RIMS2: variants seen among roughly 807,000 people sequenced by gnomAD.
The protein encoded by RIMS2 is regulating synaptic membrane exocytosis protein 2.
A neutral mutation model predicts 174.4 loss-of-function variants in RIMS2; 59 were observed. The observed-to-expected ratio is 0.34, with a 90% CI of 0.27 to 0.42. RIMS2 has a LOEUF of 0.42. Among genes scored for constraint, RIMS2 ranks in the 10% least tolerant of loss-of-function variants. The probability of loss-of-function intolerance (pLI) is 1.00; values close to 1 mark genes in which losing one functional copy is unlikely to be tolerated. For missense variants in RIMS2, 1,620 were observed against 1,666.3 expected, an observed-to-expected ratio of 0.97 and a Z score of 0.48; for synonymous variants, 606 against 572.5, an observed-to-expected ratio of 1.06 and a Z score of -0.84.
At chr8:103,634,163 T>C (rs1365603550) in intron 1 of RIMS2, among the ~76,000 whole-genome samples, 2 of 152,216 alleles carry the variant, frequency 1.3e-5, no homozygotes, top group Non-Finnish European at 2.9e-5. Context: ...TTTAGTGCTG[T>C]GAATTTCCCT....
intron 19 of RIMS2, among the ~76,000 whole-genome samples, chr8:104,085,562 G>A (rs143340821): frequency 7.4e-4 from 112 of 152,282 alleles, no homozygotes; most frequent in African/African-American, 2.3e-3. Flanking sequence ...GGAATATTGC[G>A]TAGGCATTCA....
At chr8:103,754,538 G>T (rs983423128) in intron 2 of RIMS2, among the ~76,000 whole-genome samples, 3 of 152,030 alleles carry the variant, frequency 2.0e-5, no homozygotes, top group African/African-American at 7.2e-5. Flanking sequence ...GTGTTAAAGT[G>T]TCCCATTATT....
intron 1 of RIMS2, among the ~76,000 whole-genome samples, chr8:103,570,143 G>T (rs2092700786): frequency 6.6e-6 from 1 of 152,008 alleles, no homozygotes; most frequent in South Asian, 2.1e-4. Flanking sequence ...CCTTCTTTGT[G>T]TTGCCCTAAA....
At chr8:103,638,539 A>G (rs1455031266) in intron 1 of RIMS2, among the ~76,000 whole-genome samples, 4 of 152,002 alleles carry the variant, frequency 2.6e-5, no homozygotes, top group East Asian at 3.9e-4. Context: ...TATAATCCAT[A>G]TGGGGTTTTT....
At chr8:103,967,167 C>CTTTTTTTTTTTTTTTTTTTTTTTTTTTTT (rs1257712942) in intron 15 of RIMS2, among the ~76,000 whole-genome samples, 1 of 35,072 alleles carries the variant, frequency 2.9e-5, no homozygotes, top group African/African-American at 1.5e-4. Flanking sequence ...TTGATCTGTT[C>CTTTTTTTTTTTTTTTTTTTTTTTTTTTTT]TTGTTTTTTT....
At chr8:103,647,910 T>TTTA (rs2096373779) in intron 1 of RIMS2, among the ~76,000 whole-genome samples, 2 of 150,046 alleles carry the variant, frequency 1.3e-5, no homozygotes, top group Admixed American at 6.6e-5. Context: ...TTTTTTTTTT[T>TTTA]AATTTTTGTA....
intron 3 of RIMS2, among the ~76,000 whole-genome samples, chr8:103,814,105 G>A (rs916938187): frequency 6.6e-6 from 1 of 152,138 alleles, no homozygotes; most frequent in Admixed American, 6.5e-5. Context: ...CAGGGACATG[G>A]ATGGAGCTAG....
chr8:103,746,795 C>G (rs959807709), intron 2 of RIMS2, among the ~76,000 whole-genome samples: 6 of 152,074 alleles, frequency 3.9e-5, no homozygotes, highest in African/African-American at 1.2e-4. Context: ...ATTCTCCTGC[C>G]TCAGCCTCCT....
At chr8:103,880,990 A>G (rs1411703972) in intron 3 of RIMS2, among the ~76,000 whole-genome samples, 2 of 151,530 alleles carry the variant, frequency 1.3e-5, no homozygotes, top group Non-Finnish European at 3.0e-5. Flanking sequence ...TCCATGCTTT[A>G]TAAAGATTTT....
chr8:103,812,338 T>TTTTTG (rs1430057827), intron 3 of RIMS2, among the ~76,000 whole-genome samples: 3 of 146,514 alleles, frequency 2.0e-5, no homozygotes, highest in East Asian at 4.3e-4. Context: ...CTTGTTTTTT[T>TTTTTG]TTTTTTTTTT....
At chr8:103,652,570 C>G (rs2096471474) in intron 1 of RIMS2, 54 bp from the exon 3 acceptor site, 1 of 957,744 alleles carries the variant, frequency 1.0e-6, no homozygotes, top group East Asian at 5.4e-5. Context: ...AAAACGTTAA[C>G]CTACATTGTT....
At chr8:104,093,169 T>C (rs2097692512) in intron 19 of RIMS2, among the ~76,000 whole-genome samples, 1 of 152,062 alleles carries the variant, frequency 6.6e-6, no homozygotes, top group Non-Finnish European at 1.5e-5. Context: ...AAGCCAAATG[T>C]TTATTTCCCA....
At chr8:104,060,179 G>A (rs1425845565) in intron 19 of RIMS2, among the ~76,000 whole-genome samples, 2 of 151,328 alleles carry the variant, frequency 1.3e-5, no homozygotes, top group South Asian at 2.1e-4. Context: ...GGTAGAATTC[G>A]GCTGTGAATC....
At position 103,513,866 on chromosome 8, in the gene RIMS2, T is replaced by C. The variant is rs545458470; in HGVS notation, c.176+12804T>C. Among the ~76,000 whole-genome samples the C allele has an allele frequency of 5.9e-5, 9 of 152,336 alleles. No individual in the cohort carries two copies. The South Asian group carries it at 1.0e-3, about 18-fold the overall frequency. On this transcript the variant is annotated intron_variant, in intron 1 of 23. Coordinates refer to ENST00000504942, the Ensembl canonical transcript of RIMS2. Reference sequence around the variant, plus strand: ...ATTTTGCTACTTGTAGGATTTTACATAGATCAATATTGGGGTCTTTATTGA... The same window carrying C: ...ATTTTGCTACTTGTAGGATTTTACACAGATCAATATTGGGGTCTTTATTGA...
intron 19 of RIMS2, among the ~76,000 whole-genome samples, chr8:104,158,799 T>C (rs2098742002): frequency 6.6e-6 from 1 of 152,062 alleles, no homozygotes; most frequent in African/African-American, 2.4e-5. Context: ...ATATTAACCC[T>C]TTTTCAGATG....
At chr8:104,116,020 A>G (rs377668939) in intron 19 of RIMS2, among the ~76,000 whole-genome samples, 163 of 152,334 alleles carry the variant, frequency 1.1e-3, no homozygotes, top group South Asian at 7.5e-3. Flanking sequence ...AAAATTGCTG[A>G]ACAATCAAAA....
chr8:103,918,701 T>C, intron 9 of RIMS2: 1 of 516,840 alleles, frequency 1.9e-6, no homozygotes, highest in Non-Finnish European at 3.5e-6. Flanking sequence ...ACATGTCTTA[T>C]TACAGATTTT....
intron 3 of RIMS2, among the ~76,000 whole-genome samples, chr8:103,797,202 GTAT>G (rs2098555860): frequency 6.6e-6 from 1 of 152,088 alleles, no homozygotes; most frequent in Non-Finnish European, 1.5e-5. Context: ...CCTAACTCAA[GTAT>G]TCCTAGTTAC....
At chr8:103,517,570 T>C (rs1224124679) in intron 1 of RIMS2, among the ~76,000 whole-genome samples, 1 of 152,080 alleles carries the variant, frequency 6.6e-6, no homozygotes, top group Non-Finnish European at 1.5e-5. Flanking sequence ...GAGAATAAAT[T>C]ATCTAATGAT....
Sources: gnomAD v4.1 joint callset for allele counts (sites outside exome capture counted in the v4.1 genomes callset) on GRCh38, gnomAD v4.1.1 for gene constraint, MANE v1.5 for transcripts, NCBI Gene and HGNC (gene_info 2026-07-23, HGNC 2026-07-21) for gene names.